FOXO1: variants seen among roughly 807,000 people sequenced by gnomAD.
The protein encoded by FOXO1 is forkhead box O1.
A neutral mutation model predicts 44.1 loss-of-function variants in FOXO1; 6 were observed. The ratio of observed to expected loss-of-function variants is 0.14; its 90% CI spans 0.07 to 0.27. FOXO1 has a LOEUF of 0.27. Among genes scored for constraint, FOXO1 ranks in the 10% least tolerant of loss-of-function variants. The pLI, the probability that FOXO1 is intolerant of heterozygous loss-of-function variation, is 1.00. For missense variants in FOXO1, 737 were observed against 888.8 expected (o/e 0.83, Z 2.17); for synonymous variants, 380 against 362.7 (o/e 1.05, Z -0.54).
At chr13:40,650,470 T>C (rs1029835066) in intron 1 of FOXO1, among the ~76,000 whole-genome samples, 2 of 152,162 alleles carry the variant, frequency 1.3e-5, no homozygotes, top group Admixed American at 1.3e-4. Context: ...TTGACAAAAC[T>C]ACTTTTTAAG....
chr13:40,641,695 C>G (rs879281006), intron 1 of FOXO1, among the ~76,000 whole-genome samples: 6 of 151,968 alleles, frequency 3.9e-5, no homozygotes, highest in African/African-American at 9.7e-5. Flanking sequence ...GGTTAAAAAC[C>G]CACTGACAGC....
intron 1 of FOXO1, among the ~76,000 whole-genome samples, chr13:40,565,424 C>T (rs1268053108): frequency 1.3e-5 from 2 of 152,198 alleles, no homozygotes; most frequent in African/African-American, 2.4e-5. Flanking sequence ...GCTTCTGTCT[C>T]AGCCCAACTG....
intron 1 of FOXO1, among the ~76,000 whole-genome samples, chr13:40,600,243 G>A (rs1875766379): frequency 6.6e-6 from 1 of 152,224 alleles, no homozygotes; most frequent in Non-Finnish European, 1.5e-5. Flanking sequence ...AAGCTCAGGA[G>A]AAAAGATGGA....
intron 1 of FOXO1, among the ~76,000 whole-genome samples, chr13:40,637,610 T>C (rs1398968321): frequency 1.3e-5 from 2 of 152,208 alleles, no homozygotes; most frequent in Non-Finnish European, 2.9e-5. Context: ...ATGATAATAA[T>C]AGCTACCATT....
At chr13:40,665,214 G>C (rs902245564) in intron 1 of FOXO1, among the ~76,000 whole-genome samples, 3 of 151,996 alleles carry the variant, frequency 2.0e-5, no homozygotes, top group Non-Finnish European at 4.4e-5. Context: ...GGAGGTCCGG[G>C]AGGGAAGGGG....
intron 1 of FOXO1, among the ~76,000 whole-genome samples, chr13:40,658,184 G>A (rs1877916916): frequency 6.6e-6 from 1 of 152,216 alleles, no homozygotes; most frequent in Admixed American, 6.5e-5. Flanking sequence ...AGCAAGATCT[G>A]CTGAATTTCA....
At chr13:40,664,783 C>T (rs1364888902) in intron 1 of FOXO1, among the ~76,000 whole-genome samples, 1 of 151,358 alleles carries the variant, frequency 6.6e-6, no homozygotes, top group Non-Finnish European at 1.5e-5. Context: ...AAGGCGCGGG[C>T]TTCCTGCGCC....
At chr13:40,620,314 A>G in intron 1 of FOXO1, 1 of 899,794 alleles carries the variant, frequency 1.1e-6, no homozygotes. Context: ...CTAACAGAAC[A>G]TACAGTCACT....
At chr13:40,619,518 T>C in intron 1 of FOXO1, 2 of 1,346,256 alleles carry the variant, frequency 1.5e-6, no homozygotes, top group Non-Finnish European at 2.1e-6. Context: ...ACATAAATCA[T>C]GAAAATAGAG....
intron 1 of FOXO1, among the ~76,000 whole-genome samples, chr13:40,615,007 G>A (rs1411012554): frequency 1.3e-5 from 2 of 152,184 alleles, no homozygotes; most frequent in South Asian, 2.1e-4. Context: ...CAAAAAACCC[G>A]AAGTTCCCAA....
At chr13:40,564,719 G>A (rs545945177) in intron 1 of FOXO1, among the ~76,000 whole-genome samples, 1 of 152,298 alleles carries the variant, frequency 6.6e-6, no homozygotes, top group African/African-American at 2.4e-5. Flanking sequence ...AGGATGTCAG[G>A]ACAGAGGTTC....
chr13:40,609,108 C>T (rs1876129402), intron 1 of FOXO1, among the ~76,000 whole-genome samples: 1 of 152,142 alleles, frequency 6.6e-6, no homozygotes, highest in South Asian at 2.1e-4. Flanking sequence ...CATTCCAGCA[C>T]ACAGCTCAAT....
intron 1 of FOXO1, among the ~76,000 whole-genome samples, chr13:40,641,158 C>A (rs971277879): frequency 1.6e-4 from 24 of 152,156 alleles, no homozygotes; most frequent in African/African-American, 1.7e-4. Flanking sequence ...AAAGGAGGTT[C>A]TTTTCCTCCG....
In FOXO1 at chr13:40,560,319, G is replaced by T; in HGVS notation, c.1172C>A (p.Thr391Asn). The change falls in exon 2 of 3, where the codon ACC becomes AAC. Residue 391 changes from threonine (T) to asparagine (N), a missense_variant. Around this residue, in one of 7 missense-constraint regions of FOXO1, gnomAD observed 283 missense variants for 278.1 expected, o/e 1.02. Coordinates refer to ENST00000379561, the MANE Select transcript of FOXO1 (RefSeq NM_002015.4). This position sits in a 1 kb window ranked among gnomAD's most constrained non-coding sequence, Gnocchi z 5.1. ...CATCATGGTGCCAGGTGAGGACTGG[G>T]TCGAAACAGTTAATGATGTTGGTGA... ...LSSPTSLTVS[T>N]QSSPGTMMQQ... The T allele has an allele frequency of 6.2e-7, 1 of 1,614,172 alleles. No individual in the cohort carries two copies. The highest frequency in any genetic ancestry group is 1.1e-5 in the South Asian group (1 of 91,082).
At chr13:40,651,971 C>T (rs1877701903) in intron 1 of FOXO1, among the ~76,000 whole-genome samples, 2 of 152,100 alleles carry the variant, frequency 1.3e-5, no homozygotes, top group African/African-American at 2.4e-5. Flanking sequence ...TAGGATGATC[C>T]ACAGGAAGCT....
At chr13:40,575,157 C>A (rs188015453) in intron 1 of FOXO1, among the ~76,000 whole-genome samples, 230 of 151,574 alleles carry the variant, frequency 1.5e-3, no homozygotes, top group African/African-American at 5.4e-3. Flanking sequence ...CACAATGAGA[C>A]CATCCTGTCT....
intron 1 of FOXO1, among the ~76,000 whole-genome samples, chr13:40,585,343 G>GAACACACACACA (rs1555248753): frequency 1.4e-5 from 2 of 147,020 alleles, no homozygotes; most frequent in African/African-American, 5.0e-5. Context: ...CTGCGCGCGC[G>GAACACACACACA]CACACACACA....
chr13:40,666,517 A>AGGAC lies in FOXO1; in HGVS notation c.-309_-306dup, dbSNP rs1271272741. 6.7e-6 allele frequency: 2 copies of AGGAC among 299,660 alleles called. No individual in the cohort carries two copies. Among genetic ancestry groups the AGGAC allele is most frequent in the African/African-American group, 2.1e-5 (1 of 46,732 alleles). 18.6% of individuals were successfully genotyped at this position (299,660 alleles called of 1,614,324 possible). On this transcript the variant is annotated 5_prime_UTR_variant, in exon 1 of 3. Coordinates refer to ENST00000379561, the MANE Select transcript of FOXO1 (RefSeq NM_002015.4). ...TCCAGCTGACAGGGCCGCGGACGGA[A>AGGAC]GGACGGACGGACGCCGCGGGCCGCT...
At chr13:40,633,082 C>T (rs573680052) in intron 1 of FOXO1, among the ~76,000 whole-genome samples, 8 of 152,220 alleles carry the variant, frequency 5.3e-5, no homozygotes, top group African/African-American at 1.7e-4. Flanking sequence ...CCCACTAGAA[C>T]GGCTAAAATA....
Sources: gnomAD v4.1 joint callset for allele counts (sites outside exome capture counted in the v4.1 genomes callset) on GRCh38, gnomAD v4.1.1 for gene constraint, gnomAD v4.1.1 regional missense constraint, Gnocchi (gnomAD v3.1) non-coding constraint, MANE v1.5 for transcripts, NCBI Gene and HGNC (gene_info 2026-07-23, HGNC 2026-07-21) for gene names.